DCP2: variants seen among roughly 807,000 people sequenced by gnomAD.
DCP2 encodes the protein decapping mRNA 2.
In DCP2, 30 loss-of-function variants were observed where a neutral mutation model predicts 56.1. The observed-to-expected ratio is 0.53, with a 90% CI of 0.40 to 0.73. The LOEUF is 0.73. DCP2 is among the 30% of genes least tolerant of loss of function. DCP2 has a pLI of 0.00. For missense variants in DCP2, 533 were observed against 502.7 expected (o/e 1.06, Z -0.58); for synonymous variants, 197 against 163.3 (o/e 1.21, Z -1.57).
chr5:112,984,703 A>AAAAATATATATAT, intron 1 of DCP2: 6 of 64,856 alleles, frequency 9.3e-5, no homozygotes, highest in African/African-American at 4.0e-4. Flanking sequence ...AAAAAAAAAA[A>AAAAATATATATAT]ATATATATAT....
intron 1 of DCP2, chr5:112,983,938 T>G (rs1484775992): frequency 6.6e-6 from 1 of 152,236 alleles, no homozygotes; most frequent in Non-Finnish European, 1.5e-5. Context: ...TCTTAAAATA[T>G]AGTATTTACC....
intron 4 of DCP2, among the ~76,000 whole-genome samples, chr5:112,996,004 C>T (rs1310163363): frequency 6.6e-6 from 1 of 152,178 alleles, no homozygotes; most frequent in African/African-American, 2.4e-5. Flanking sequence ...TGGCACCAGC[C>T]CTGTCAGATT....
intron 7 of DCP2, 104 bp from the exon 8 acceptor site, chr5:113,003,838 C>A: frequency 7.7e-7 from 1 of 1,294,846 alleles, no homozygotes; most frequent in Non-Finnish European, 1.1e-6. Flanking sequence ...GGAAGATAGA[C>A]AGTAAATAAG....
chr5:113,006,968 T>A (rs1749466960), intron 8 of DCP2, among the ~76,000 whole-genome samples: 1 of 151,982 alleles, frequency 6.6e-6, no homozygotes, highest in Admixed American at 6.6e-5. Context: ...ACCTTCACCG[T>A]CCCTATTAAA....
At chr5:113,002,614 G>A (rs1017028308) in intron 7 of DCP2, among the ~76,000 whole-genome samples, 1 of 151,928 alleles carries the variant, frequency 6.6e-6, no homozygotes, top group Admixed American at 6.6e-5. Context: ...TTGACCTCCT[G>A]GACTCAAGTA....
At chr5:112,984,697 A>ATATATATATATAT (rs1436502850) in intron 1 of DCP2, 26 of 76,158 alleles carry the variant, frequency 3.4e-4, no homozygotes, top group East Asian at 1.1e-3. Flanking sequence ...AAAAAAAAAA[A>ATATATATATATAT]AAAAAAATAT....
At chr5:113,001,038 G>C in intron 4 of DCP2, 46 bp from the exon 5 acceptor site, 1 of 1,536,626 alleles carries the variant, frequency 6.5e-7, no homozygotes, top group Non-Finnish European at 8.8e-7. Context: ...TGAACTAGAG[G>C]CCTAAGAACT....
chr5:113,010,149 C>T (rs1749619026), intron 9 of DCP2, among the ~76,000 whole-genome samples: 1 of 151,374 alleles, frequency 6.6e-6, no homozygotes, highest in South Asian at 2.1e-4. Context: ...CCTCCCATCT[C>T]AGCCTCCAGA....
intron 1 of DCP2, chr5:112,984,622 C>G (rs1466831617): frequency 2.7e-5 from 4 of 148,154 alleles, no homozygotes; most frequent in Non-Finnish European, 5.9e-5. Context: ...ATTGCAATCT[C>G]TAAAAACCTG....
At position 113,021,453 on chromosome 5, in the gene DCP2, T is replaced by TCAAA. The variant is rs774441095; in HGVS notation, c.*7973_*7976dup. Reference sequence around the variant, plus strand: ...GAGTCTCTGCAAAAATGAAAATACCTCAAACAATTAAGTTTGTTGCTTTAA... The same window carrying TCAAA: ...GAGTCTCTGCAAAAATGAAAATACCTCAAACAAACAATTAAGTTTGTTGCTTTAA... On this transcript the variant is annotated 3_prime_UTR_variant, in exon 11 of 11. Transcript: ENST00000389063. Among the ~76,000 whole-genome samples, 24 of 148,478 alleles carry TCAAA rather than the reference T, an allele frequency of 1.6e-4. No individual in the cohort carries two copies. The highest frequency in any genetic ancestry group is 9.9e-4 in the East Asian group (5 of 5,054).
chr5:112,986,053 T>G (rs1363759442), intron 2 of DCP2, 67 bp downstream of exon 2: 1 of 1,428,640 alleles, frequency 7.0e-7, no homozygotes, highest in Non-Finnish European at 9.4e-7. Flanking sequence ...AAATTTCTTT[T>G]TGCTTGCCTT....
At chr5:113,003,849 A>G (rs1749293153) in intron 7 of DCP2, 93 bp from the exon 8 acceptor site, 4 of 1,401,886 alleles carry the variant, frequency 2.9e-6, no homozygotes, top group Non-Finnish European at 4.0e-6. Flanking sequence ...AGTAAATAAG[A>G]AAATATGTAG....
In DCP2 at chr5:113,016,892, A is replaced by G. The variant is rs1580845062; in HGVS notation, c.*3408A>G. The G allele has an allele frequency of 8.3e-6, 1 of 120,638 alleles. No homozygotes were observed. The highest frequency in any genetic ancestry group is 1.1e-4 in the Admixed American group (1 of 9,090). The allele number at this position is 120,638 out of a possible 1,614,324, so 7.5% of individuals were successfully genotyped here. A position where few individuals can be genotyped will look rare whatever the true frequency, so the allele number is the denominator to read the frequency against. On this transcript the variant is annotated 3_prime_UTR_variant, in exon 11 of 11. Coordinates refer to ENST00000389063, the MANE Select transcript of DCP2 (RefSeq NM_152624.6). ...GTTTCACTCCTGTTGCCCAGGCTGG[A>G]GTGCAATGGTGCAATTTCGGCTCAC...
Position 113,004,006 on chromosome 5 carries a change from A to G in DCP2, c.871A>G (p.Lys291Glu). Residue 291 changes from lysine to glutamate, a missense_variant, in exon 8 of 11, where the codon AAG becomes GAG. Lys to Glu is a moderately conservative substitution (Grantham distance 56). Coordinates refer to ENST00000389063, the MANE Select transcript of DCP2 (RefSeq NM_152624.6). Reference protein sequence around the residue: ...PDGSPGDQWVKHRQPLQQKPY... With the variant: ...PDGSPGDQWVEHRQPLQQKPY... ...CGGTTCTCCTGGTGACCAGTGGGTA[A>G]AGCACAGGCAACCACTGCAGCAAAA... 1.2e-6 allele frequency: 2 copies of G among 1,614,168 alleles called. No homozygotes were observed. Among genetic ancestry groups the G allele is most frequent in the Non-Finnish European group, 1.7e-6 (2 of 1,179,998 alleles).
At chr5:112,998,845 G>C (rs543489709) in intron 4 of DCP2, among the ~76,000 whole-genome samples, 1 of 152,282 alleles carries the variant, frequency 6.6e-6, no homozygotes, top group African/African-American at 2.4e-5. Flanking sequence ...TAAGAACGAG[G>C]AGTTCTTTTA....
chr5:113,001,528 T>C (rs1342184444), intron 6 of DCP2, 39 bp from the exon 7 acceptor site: 1 of 1,608,882 alleles, frequency 6.2e-7, no homozygotes, highest in South Asian at 1.1e-5. Flanking sequence ...CTTCTGTCTG[T>C]AGCCATATTT....
intron 4 of DCP2, among the ~76,000 whole-genome samples, chr5:112,995,299 C>T (rs1250301475): frequency 6.6e-6 from 1 of 152,184 alleles, no homozygotes; most frequent in East Asian, 1.9e-4. Flanking sequence ...CTTAGCTTTT[C>T]TTTCTGTAGA....
intron 4 of DCP2, among the ~76,000 whole-genome samples, chr5:112,996,421 C>G (rs545962299): frequency 3.3e-5 from 5 of 151,872 alleles, no homozygotes; most frequent in African/African-American, 1.2e-4. Flanking sequence ...TTTTTTCTTG[C>G]ATTTAAGTTA....
intron 4 of DCP2, among the ~76,000 whole-genome samples, chr5:112,997,700 C>T (rs572752712): frequency 3.6e-4 from 55 of 151,896 alleles, no homozygotes; most frequent in South Asian, 1.2e-3. Flanking sequence ...CCCCAACCTC[C>T]GCCTCCCGGG....
Sources: allele counts gnomAD v4.1 joint callset (sites outside exome capture counted in the v4.1 genomes callset), GRCh38; gene constraint gnomAD v4.1.1; transcripts MANE v1.5; gene names NCBI Gene and HGNC (gene_info 2026-07-23, HGNC 2026-07-21).